KLF17: variants seen among roughly 807,000 people sequenced by gnomAD.
KLF17 encodes the protein KLF transcription factor 17.
KLF17 carries 31 observed loss-of-function variants against 34.2 expected under a neutral mutation model. The observed-to-expected ratio is 0.91, with a 90% confidence interval of 0.68 to 1.22. The LOEUF is 1.22. KLF17 is among the 50% of genes most tolerant of loss of function. The pLI, the probability that KLF17 is intolerant of heterozygous loss-of-function variation, is 0.00. For synonymous variants in KLF17, 179 were observed against 186.7 expected, an observed-to-expected ratio of 0.96 and a Z score of 0.34; for missense variants, 478 against 505.2, an observed-to-expected ratio of 0.95 and a Z score of 0.52.
the KLF17 span, among the ~76,000 whole-genome samples, chr1:44,063,533 G>C: frequency 6.6e-6 from 1 of 152,160 alleles, no homozygotes; most frequent in Admixed American, 6.5e-5. Flanking sequence ...ATGATATTGG[G>C]AGTACTCTCC....
chr1:44,045,487 C>T, the KLF17 span, among the ~76,000 whole-genome samples: 3 of 152,220 alleles, frequency 2.0e-5, no homozygotes, highest in African/African-American at 7.2e-5. Flanking sequence ...GTTCAAAACT[C>T]AATTCCAGAC....
intron 1 of KLF17, chr1:44,122,045 TCA>T: frequency 1.4e-6 from 1 of 740,440 alleles, no homozygotes. Flanking sequence ...TTTCCTTTTT[TCA>T]TTTTTTTGTC....
the KLF17 span, among the ~76,000 whole-genome samples, chr1:44,099,829 GAA>G: frequency 5.9e-4 from 4 of 6,828 alleles, no homozygotes; most frequent in Admixed American, 5.1e-3. Context: ...AGAAAAAGAA[GAA>G]AGAAAGAAAG....
chr1:44,092,105 T>G, the KLF17 span, among the ~76,000 whole-genome samples: 29 of 150,018 alleles, frequency 1.9e-4, no homozygotes, highest in Non-Finnish European at 1.3e-4. Context: ...CACTTTGGGA[T>G]GCTGAGGTGG....
At chr1:44,132,456 G>A (rs1049877012) in intron 3 of KLF17, among the ~76,000 whole-genome samples, 15 of 152,240 alleles carry the variant, frequency 9.9e-5, no homozygotes, top group African/African-American at 1.7e-4. Flanking sequence ...CCAAGTAGCC[G>A]GTGGACAGAA....
chr1:44,078,430 CCTT>C, the KLF17 span, among the ~76,000 whole-genome samples: 37 of 125,726 alleles, frequency 2.9e-4, 2 homozygotes, highest in Non-Finnish European at 2.2e-4. Context: ...TGGGGCTTTT[CCTT>C]CTTCTTTTTT....
chr1:44,130,699 C>A lies in KLF17; in HGVS notation c.1113C>A (p.Asp371Glu). 6.2e-7 allele frequency: 1 copy of A among 1,608,792 alleles called. No individual in the cohort carries two copies. Among genetic ancestry groups the A allele is most frequent in the Non-Finnish European group, 8.5e-7 (1 of 1,177,934 alleles). ...HQKTHRPGPS[D>E]PQANNNNGEQ... is the part of the protein sequence containing the mutation. ...AGACTCATCGGCCGGGACCCTCAGA[C>A]CCACAGGCCAACAACAACAATGGAG... Residue 371 changes from aspartate (D) to glutamate (E), a missense_variant, in exon 3 of 4, where the codon GAC becomes GAA. Physicochemically the swap from Asp to Glu is conservative, Grantham distance 45 (BLOSUM62 2). Coordinates refer to ENST00000372299, the MANE Select transcript of KLF17 (RefSeq NM_173484.4).
chr1:44,127,647 T>C (rs866310597), intron 1 of KLF17, among the ~76,000 whole-genome samples: 40 of 53,128 alleles, frequency 7.5e-4, no homozygotes, highest in South Asian at 2.8e-3. Flanking sequence ...TCCTTCTTTC[T>C]TTCTTTCTTT....
At chr1:44,127,692 T>TTCCTTTCTTTCTTTC (rs753421834) in intron 1 of KLF17, among the ~76,000 whole-genome samples, 1 of 90,136 alleles carries the variant, frequency 1.1e-5, no homozygotes, top group African/African-American at 5.5e-5. Context: ...CTTTCTTTCT[T>TTCCTTTCTTTCTTTC]TTTCTTTCTT....
the KLF17 span, among the ~76,000 whole-genome samples, chr1:44,078,198 C>CT: frequency 3.9e-5 from 6 of 152,206 alleles, no homozygotes; most frequent in South Asian, 1.0e-3. Flanking sequence ...ATAATGCCTT[C>CT]TGAAAGCTTT....
At chr1:44,093,418 G>C in the KLF17 span, among the ~76,000 whole-genome samples, 3 of 152,162 alleles carry the variant, frequency 2.0e-5, no homozygotes, top group East Asian at 5.8e-4. Flanking sequence ...TTTTGAGACG[G>C]AGTTTCACTC....
chr1:44,090,960 G>GTA, the KLF17 span, among the ~76,000 whole-genome samples: 1 of 150,088 alleles, frequency 6.7e-6, no homozygotes, highest in African/African-American at 2.4e-5. Flanking sequence ...ACGCACGCAT[G>GTA]CACACACACA....
At chr1:44,080,647 C>T in the KLF17 span, among the ~76,000 whole-genome samples, 8 of 149,874 alleles carry the variant, frequency 5.3e-5, no homozygotes, top group African/African-American at 2.0e-4. Flanking sequence ...TTATCAAATC[C>T]TTTTTATCTG....
chr1:44,071,139 A>G, the KLF17 span, among the ~76,000 whole-genome samples: 3 of 152,136 alleles, frequency 2.0e-5, no homozygotes, highest in Non-Finnish European at 2.9e-5. Flanking sequence ...GGCGTGTTTC[A>G]TGCTCAGCTG....
Position 44,129,572 on chromosome 1 carries a change from T to C in KLF17, c.301T>C (p.Cys101Arg). Residue 101 changes from cysteine to arginine, a missense_variant, in exon 2 of 4, where the codon TGC becomes CGC. By Grantham distance (180) the Cys-to-Arg change is radical. Coordinates refer to ENST00000372299, the MANE Select transcript of KLF17 (RefSeq NM_173484.4). ...ACTGCCTGAGCGTGGTATGAGCTACTGCCCCCAAGCGACTCTCACTCCTTC... is the reference window on the plus strand; with the variant it reads ...ACTGCCTGAGCGTGGTATGAGCTACCGCCCCCAAGCGACTCTCACTCCTTC... ...MPLPERGMSY[C>R]PQATLTPSRM... is the part of the protein sequence containing the mutation. The C allele has an allele frequency of 6.2e-7, 1 of 1,614,054 alleles. No homozygotes were observed. Among genetic ancestry groups the C allele is most frequent in the African/African-American group, 1.3e-5 (1 of 75,044 alleles).
the KLF17 span, chr1:44,104,356 ACATG>A: frequency 8.4e-7 from 1 of 1,185,686 alleles, no homozygotes; most frequent in Non-Finnish European, 1.2e-6. Flanking sequence ...TAGCTCTGGA[ACATG>A]TTGTCCGTGT....
upstream of KLF17, among the ~76,000 whole-genome samples, chr1:44,118,128 C>T (rs1011940961): frequency 6.6e-6 from 1 of 152,132 alleles, no homozygotes; most frequent in Non-Finnish European, 1.5e-5. Flanking sequence ...ATTTTCAGCT[C>T]ACATTTCTGT....
intron 1 of KLF17, among the ~76,000 whole-genome samples, chr1:44,127,733 C>CTCTTTTCTTTCTT (rs2088042725): frequency 6.8e-5 from 7 of 102,624 alleles, no homozygotes; most frequent in African/African-American, 3.1e-4. Context: ...TTTCTTTCTT[C>CTCTTTTCTTTCTT]TCTTTTCTTT....
chr1:44,099,337 G>C, the KLF17 span, among the ~76,000 whole-genome samples: 1 of 152,136 alleles, frequency 6.6e-6, no homozygotes. Context: ...CCAAGAACTT[G>C]AGGTTGCAGT....
Sources: gnomAD v4.1 joint callset for allele counts (sites outside exome capture counted in the v4.1 genomes callset) on GRCh38, gnomAD v4.1.1 for gene constraint, MANE v1.5 for transcripts, NCBI Gene and HGNC (gene_info 2026-07-23, HGNC 2026-07-21) for gene names.